CHRNA6: variants seen among roughly 807,000 people sequenced by gnomAD.
The protein encoded by CHRNA6 is cholinergic receptor nicotinic alpha 6 subunit, also known as neuronal acetylcholine receptor subunit alpha-6.
In CHRNA6, 31 loss-of-function variants were observed where a neutral mutation model predicts 40.9. That is an observed-to-expected ratio of 0.76 (90% CI 0.57 to 1.02). The LOEUF is 1.02. CHRNA6 is among the 50% of genes least tolerant of loss of function. The pLI is 0.00. For missense variants in CHRNA6, 546 were observed against 596.6 expected (o/e 0.92, Z 0.88); for synonymous variants, 222 against 221.3 (o/e 1.00, Z -0.03).
intron 5 of CHRNA6, among the ~76,000 whole-genome samples, chr8:42,755,184 AT>A (rs551656749): frequency 2.9e-3 from 393 of 137,066 alleles, no homozygotes; most frequent in East Asian, 4.4e-3. Context: ...ACGCCTGCTA[AT>A]TTTTTTTTTT....
At chr8:42,765,465 C>T (rs191241231) in intron 1 of CHRNA6, among the ~76,000 whole-genome samples, 1 of 152,310 alleles carries the variant, frequency 6.6e-6, no homozygotes, top group African/African-American at 2.4e-5. Context: ...AAAATGATGT[C>T]GGTCAGAGCA....
intron 2 of CHRNA6, among the ~76,000 whole-genome samples, chr8:42,760,852 G>T (rs1378249135): frequency 6.6e-6 from 1 of 152,178 alleles, no homozygotes; most frequent in African/African-American, 2.4e-5. Flanking sequence ...CTCAGTGGGA[G>T]AACTACCAAA....
rs1402123883 is a variant in CHRNA6, at chr8:42,759,065, A to C, written c.264+4T>G. 1 of 1,611,068 alleles carries C rather than the reference A, an allele frequency of 6.2e-7. No homozygotes were observed. Among genetic ancestry groups the C allele is most frequent in the Non-Finnish European group, 8.5e-7 (1 of 1,177,286 alleles). ...TTAAGCCAACACATGATATAGGCACATACGTGACGCAGCCACAAATTGGTT... is the reference window on the plus strand; with the variant it reads ...TTAAGCCAACACATGATATAGGCACCTACGTGACGCAGCCACAAATTGGTT... On this transcript the variant is annotated splice_donor_region_variant and intron_variant, in intron 3 of 5. Coordinates refer to ENST00000276410, the MANE Select transcript of CHRNA6 (RefSeq NM_004198.3).
In CHRNA6 at chr8:42,767,640, G is replaced by A. The variant is rs1429010754; in HGVS notation, c.79+712C>T. Among the ~76,000 whole-genome samples, 4 of 152,176 alleles carry A rather than the reference G, an allele frequency of 2.6e-5. No homozygotes were observed. The East Asian group carries it at 7.7e-4, about 29-fold the overall frequency. ...GAAACACTGAGACACTAGAGTTTTA[G>A]CAGGAAGGACAAATTTAAGGTAAAA... is the stretch of plus-strand genomic sequence containing the variant. On this transcript the variant is annotated intron_variant, in intron 1 of 5. Transcript: ENST00000276410.
intron 1 of CHRNA6, among the ~76,000 whole-genome samples, chr8:42,767,412 A>C (rs1470889895): frequency 6.6e-6 from 1 of 152,200 alleles, no homozygotes; most frequent in Admixed American, 6.5e-5. Flanking sequence ...ATTTGACATA[A>C]TTCATTTCAT....
chr8:42,758,176 C>A (rs1044542822), intron 3 of CHRNA6, among the ~76,000 whole-genome samples: 1 of 151,978 alleles, frequency 6.6e-6, no homozygotes, highest in Non-Finnish European at 1.5e-5. Flanking sequence ...GCAAATATTT[C>A]ATTAGATAAT....
At chr8:42,755,722 C>T in intron 5 of CHRNA6, 124 bp downstream of exon 5, 1 of 1,129,844 alleles carries the variant, frequency 8.9e-7, no homozygotes, top group Non-Finnish European at 1.3e-6. Flanking sequence ...AGAGCCAGGT[C>T]TCAGAGCAAG....
Position 42,768,688 on chromosome 8 carries a change from GT to G in CHRNA6, c.-259del. The G allele has an allele frequency of 2.7e-6, 1 of 371,122 alleles. No individual in the cohort carries two copies. Among genetic ancestry groups the G allele is most frequent in the Non-Finnish European group, 4.9e-6 (1 of 203,748 alleles). The allele number at this position is 371,122 out of a possible 1,614,324, so 23.0% of individuals were successfully genotyped here. ...CATCACATTTCCTGACAGCCTAGAT[GT>G]CTCTTCATGCAAGAAAGGGGAAGAA... is the stretch of plus-strand genomic sequence containing the variant. On this transcript the variant is annotated 5_prime_UTR_variant, in exon 1 of 6. An upstream open reading frame in the 5' UTR gains an earlier in-frame stop. Coordinates refer to ENST00000276410, the MANE Select transcript of CHRNA6 (RefSeq NM_004198.3).
intron 5 of CHRNA6, among the ~76,000 whole-genome samples, chr8:42,755,193 T>C (rs999228642): frequency 2.0e-5 from 3 of 151,240 alleles, no homozygotes; most frequent in African/African-American, 7.3e-5. Flanking sequence ...AATTTTTTTT[T>C]TTTTTTTGGT....
chr8:42,754,957 G>A (rs1041442972), intron 5 of CHRNA6, among the ~76,000 whole-genome samples: 6 of 151,928 alleles, frequency 3.9e-5, no homozygotes, highest in African/African-American at 1.5e-4. Flanking sequence ...CAGGCTGCAC[G>A]CTGCTCCGAA....
At chr8:42,757,890 C>G (rs1816832823) in intron 3 of CHRNA6, among the ~76,000 whole-genome samples, 1 of 151,554 alleles carries the variant, frequency 6.6e-6, no homozygotes, top group Non-Finnish European at 1.5e-5. Context: ...AAAAAATTAG[C>G]CGGGCGTGGT....
In CHRNA6 at chr8:42,767,991, G is replaced by C. The variant is rs369909048; in HGVS notation, c.79+361C>G. On this transcript the variant is annotated intron_variant, in intron 1 of 5. Coordinates refer to ENST00000276410, the MANE Select transcript of CHRNA6 (RefSeq NM_004198.3). ...GGAAGGGTTCATTGACTGAGTAATA[G>C]TATCAGCTAACAAATAAATTACCAC... is the stretch of plus-strand genomic sequence containing the variant. 7.2e-5 allele frequency among the ~76,000 whole-genome samples: 11 copies of C among 152,244 alleles called. No homozygotes were observed. In the East Asian group the frequency reaches 2.1e-3, roughly 29 times the overall value.
rs201193166 is a variant in CHRNA6 at position 42,765,153 on chromosome 8, T to A, written c.131A>T (p.His44Leu). Residue 44 changes from histidine (H) to leucine (L), a missense_variant, in exon 2 of 6, where the codon CAT becomes CTT. By Grantham distance (99) the His-to-Leu change is moderately conservative. Around this residue, in one of 3 missense-constraint regions of CHRNA6, gnomAD observed 476 missense variants for 494.5 expected, o/e 0.96. Coordinates refer to ENST00000276410, the MANE Select transcript of CHRNA6 (RefSeq NM_004198.3). ...EERLFHKLFS[H>L]YNQFIRPVEN... is the part of the protein sequence containing the mutation. ...CACAGGCCTGATGAACTGGTTGTAA[T>A]GAGAAAACAGTTTGTGGAAGAGCCT... 19 of 1,613,492 alleles carry A rather than the reference T, an allele frequency of 1.2e-5. 1 individual carries two copies. The South Asian group carries it at 2.0e-4, about 17-fold the overall frequency.
At chr8:42,754,244 A>G (rs1462684117) in intron 5 of CHRNA6, among the ~76,000 whole-genome samples, 1 of 151,966 alleles carries the variant, frequency 6.6e-6, no homozygotes, top group East Asian at 1.9e-4. Context: ...CAGTGGTGCG[A>G]TTGTGGCTCA....
chr8:42,753,624 C>T (rs920828258), intron 5 of CHRNA6, among the ~76,000 whole-genome samples: 2 of 152,124 alleles, frequency 1.3e-5, no homozygotes, highest in African/African-American at 4.8e-5. Context: ...CAGTGAGCCA[C>T]GATCACACCA....
In CHRNA6 at chr8:42,756,343, A is replaced by G. The variant is rs1323564212; in HGVS notation, c.856T>C (p.Leu286=). 18 of 1,614,138 alleles carry G rather than the reference A, an allele frequency of 1.1e-5. No homozygotes were observed. The highest frequency in any genetic ancestry group is 1.4e-5 in the Non-Finnish European group (16 of 1,180,056). ...ISVLLSLTVF[L]LVITETIPST... is the part of the protein sequence containing the mutation. The stretch of plus-strand genomic sequence containing the variant: ...GGGATGGTTTCTGTGATGACCAGCA[A>G]AAACACAGTCAGAGAAAGCAGGACT... The change falls in exon 5 of 6, where the codon TTG becomes CTG. Residue 286 remains leucine (L), a synonymous_variant. Transcript: ENST00000276410.
chr8:42,760,364 A>T lies in CHRNA6; in HGVS notation c.220-1251T>A, dbSNP rs962647919. ...CACACACACTCGTGAACACACAATC[A>T]TGCAAACTCATATACCCACTCATGA... On this transcript the variant is annotated intron_variant, in intron 2 of 5. Coordinates refer to ENST00000276410, the MANE Select transcript of CHRNA6 (RefSeq NM_004198.3). Among the ~76,000 whole-genome samples, 5 of 151,604 alleles carry T rather than the reference A, an allele frequency of 3.3e-5. No individual in the cohort carries two copies. In the Middle Eastern group the frequency reaches 0.014, roughly 415 times the overall value.
In CHRNA6 at chr8:42,768,647, C is replaced by G. The variant is rs942590083; in HGVS notation, c.-217G>C. The G allele has an allele frequency of 1.3e-5, 6 of 475,202 alleles. No homozygotes were observed. Among genetic ancestry groups the G allele is most frequent in the Non-Finnish European group, 2.3e-5 (6 of 263,488 alleles). 29.4% of individuals were successfully genotyped at this position (475,202 alleles called of 1,614,324 possible). A position where few individuals can be genotyped will look rare whatever the true frequency, so the allele number is the denominator to read the frequency against. On this transcript the variant is annotated 5_prime_UTR_variant, in exon 1 of 6. Coordinates refer to ENST00000276410, the MANE Select transcript of CHRNA6 (RefSeq NM_004198.3). The stretch of plus-strand genomic sequence containing the variant: ...GAAGGGCGAATAAAAAAGATTCGAT[C>G]TGATGTCAGATGAGTCATCACATTT...
intron 2 of CHRNA6, 43 bp from the exon 3 acceptor site, chr8:42,759,156 C>T: frequency 6.5e-7 from 1 of 1,527,136 alleles, no homozygotes; most frequent in Non-Finnish European, 9.1e-7. Context: ...ATGTGCTTGC[C>T]ATAGAGGTGA....
Sources: allele counts gnomAD v4.1 joint callset (sites outside exome capture counted in the v4.1 genomes callset), GRCh38; gene constraint gnomAD v4.1.1; regional missense constraint gnomAD v4.1.1; transcripts MANE v1.5; gene names NCBI Gene and HGNC (gene_info 2026-07-23, HGNC 2026-07-21).